Variants in TIMP2 observed in about 807,000 individuals in gnomAD.
TIMP2 encodes the protein metalloproteinase inhibitor 2.
Under a neutral mutation model 24.3 loss-of-function variants are expected in TIMP2, and 5 were observed. That is an observed-to-expected ratio of 0.21 (90% CI 0.11 to 0.43). The LOEUF (loss-of-function observed/expected upper bound fraction) is 0.43. Among genes scored for constraint, TIMP2 ranks in the 20% least tolerant of loss-of-function variants. The pLI is 1.00. For missense variants in TIMP2, 221 were observed against 297.5 expected, an observed-to-expected ratio of 0.74 and a Z score of 1.89; for synonymous variants, 130 against 123.2, an observed-to-expected ratio of 1.06 and a Z score of -0.37.
intron 1 of TIMP2, chr17:78,904,490 TG>T (rs2070139228): frequency 6.6e-6 from 1 of 152,084 alleles, no homozygotes; most frequent in Non-Finnish European, 1.5e-5. Context: ...CCCTTTGTCC[TG>T]GGCTGGAAGG....
At chr17:78,903,531 A>T (rs1214133922) in intron 1 of TIMP2, among the ~76,000 whole-genome samples, 1 of 152,192 alleles carries the variant, frequency 6.6e-6, no homozygotes, top group African/African-American at 2.4e-5. Flanking sequence ...CTTCAAGGTC[A>T]GGGTTCCTGA....
chr17:78,855,958 G>A lies in TIMP2; in HGVS notation c.466-94C>T. On this transcript the variant is annotated intron_variant, in intron 4 of 4. Transcript: ENST00000262768. This position sits in a 1 kb window ranked among gnomAD's most constrained non-coding sequence, Gnocchi z 6.0. ...GGGCATGTCCAGAACCCGGCAATGT[G>A]CCTACCTGTCATGTGCAGGGATGGC... 2 of 1,293,606 alleles carry A rather than the reference G, an allele frequency of 1.5e-6. No homozygotes were observed. The highest frequency in any genetic ancestry group is 2.2e-6 in the Non-Finnish European group (2 of 904,308). 80.1% of individuals were successfully genotyped at this position (1,293,606 alleles called of 1,614,324 possible).
At chr17:78,880,926 C>T (rs2069774030) in intron 1 of TIMP2, among the ~76,000 whole-genome samples, 2 of 152,230 alleles carry the variant, frequency 1.3e-5, no homozygotes, top group South Asian at 4.1e-4. Flanking sequence ...CTAGACCACT[C>T]ACAGCCTCTC....
intron 1 of TIMP2, among the ~76,000 whole-genome samples, chr17:78,895,589 G>C (rs2069986904): frequency 1.3e-5 from 2 of 152,202 alleles, no homozygotes; most frequent in African/African-American, 2.4e-5. Flanking sequence ...CTTAAAAAGG[G>C]AAACACAGAC....
chr17:78,880,939 C>T (rs898093560), intron 1 of TIMP2, among the ~76,000 whole-genome samples: 5 of 152,214 alleles, frequency 3.3e-5, no homozygotes, highest in Admixed American at 2.6e-4. Context: ...AGCCTCTCCC[C>T]GGGGCACTCC....
rs1028140262 is a variant in TIMP2, at chr17:78,891,190, C to T, written c.131-17271G>A. On this transcript the variant is annotated intron_variant, in intron 1 of 4. Coordinates refer to ENST00000262768, the MANE Select transcript of TIMP2 (RefSeq NM_003255.5). The surrounding 1 kb of genome is among the most constrained non-coding windows in gnomAD (Gnocchi z 4.5). ...TTCCATTTCTAAACGTGGGCTTGAC[C>T]GTGCCCTGATATTTTTGGTTCTGGG... 2.6e-5 allele frequency: 40 copies of T among 1,550,538 alleles called. No individual in the cohort carries two copies. The highest frequency in any genetic ancestry group is 9.6e-5 in the African/African-American group (7 of 73,038).
intron 1 of TIMP2, among the ~76,000 whole-genome samples, chr17:78,918,235 A>G (rs2070280486): frequency 6.6e-6 from 1 of 152,122 alleles, no homozygotes. Context: ...TAGCGTAAAC[A>G]CACTCTCAAC....
intron 1 of TIMP2, among the ~76,000 whole-genome samples, chr17:78,890,131 C>T (rs1268690236): frequency 1.3e-5 from 2 of 150,526 alleles, no homozygotes; most frequent in African/African-American, 5.0e-5. Context: ...ATCAATCAAT[C>T]AATAAAGGCA....
intron 1 of TIMP2, among the ~76,000 whole-genome samples, chr17:78,893,364 G>T (rs36176351): frequency 0.25 from 30,580 of 122,476 alleles, 6,964 homozygotes; most frequent in African/African-American, 0.62. Context: ...TGTGTGCAGG[G>T]GTGTGTAGGA....
Position 78,896,735 on chromosome 17 carries a change from G to A in TIMP2, c.131-22816C>T, listed in dbSNP as rs146240775. Reference sequence around the variant, plus strand: ...GCGCTCGGAGCAGCAGAAGGAAGGCGAGTGGACACCAATCTGGCCTCCGGA... The same window carrying A: ...GCGCTCGGAGCAGCAGAAGGAAGGCAAGTGGACACCAATCTGGCCTCCGGA... On this transcript the variant is annotated intron_variant, in intron 1 of 4. Transcript: ENST00000262768. The surrounding 1 kb of genome is among the most constrained non-coding windows in gnomAD (Gnocchi z 4.4). Among the ~76,000 whole-genome samples, 1,175 of 152,240 alleles carry A rather than the reference G, an allele frequency of 7.7e-3. 14 individuals are homozygous for A. The highest frequency in any genetic ancestry group is 0.027 in the African/African-American group (1,129 of 41,530).
At chr17:78,863,110 G>A in intron 3 of TIMP2, among the ~76,000 whole-genome samples, 1 of 152,344 alleles carries the variant, frequency 6.6e-6, no homozygotes, top group African/African-American at 2.4e-5. Context: ...TGCTTTCTCA[G>A]TTCTTTGAGA....
rs2070338084 is a variant in TIMP2 at position 78,924,947 on chromosome 17, G to A, written c.130+12C>T. 3 of 1,256,180 alleles carry A rather than the reference G, an allele frequency of 2.4e-6. No homozygotes were observed. Among genetic ancestry groups the A allele is most frequent in the South Asian group, 2.6e-5 (1 of 38,858 alleles). The allele number at this position is 1,256,180 out of a possible 1,614,324, so 77.8% of individuals were successfully genotyped here. On this transcript the variant is annotated intron_variant, in intron 1 of 4. Transcript: ENST00000262768. This position sits in a 1 kb window ranked among gnomAD's most constrained non-coding sequence, Gnocchi z 5.3. ...GGGGCCCCGCGCGGGGGCTGGGGTCGCCGCTCCTTACCTACATCTGCATTG... is the reference window on the plus strand; with the variant it reads ...GGGGCCCCGCGCGGGGGCTGGGGTCACCGCTCCTTACCTACATCTGCATTG...
chr17:78,854,215 G>A lies in TIMP2; in HGVS notation c.*1452C>T, dbSNP rs1017422309. ...CATTGCGTGTGTATGTTTACATAAT[G>A]TGCCTGTATATCGTCAGTTTATCTT... On this transcript the variant is annotated 3_prime_UTR_variant, in exon 5 of 5. Transcript: ENST00000262768. 6.6e-6 allele frequency: 1 copy of A among 152,060 alleles called. No homozygotes were observed. Among genetic ancestry groups the A allele is most frequent in the African/African-American group, 2.4e-5 (1 of 41,392 alleles). 9.4% of individuals were successfully genotyped at this position (152,060 alleles called of 1,614,324 possible).
chr17:78,875,083 G>A (rs1038097046), intron 1 of TIMP2, among the ~76,000 whole-genome samples: 1 of 152,098 alleles, frequency 6.6e-6, no homozygotes, highest in African/African-American at 2.4e-5. Context: ...TCATCATGTT[G>A]GCCAGGCTGT....
intron 1 of TIMP2, among the ~76,000 whole-genome samples, chr17:78,876,346 G>GTTTC (rs559951942): frequency 6.6e-6 from 1 of 151,970 alleles, no homozygotes; most frequent in Non-Finnish European, 1.5e-5. Context: ...GAACAGACAA[G>GTTTC]TTTCTTTCTT....
intron 1 of TIMP2, among the ~76,000 whole-genome samples, chr17:78,917,230 C>T (rs998817973): frequency 1.2e-4 from 15 of 127,716 alleles, no homozygotes; most frequent in South Asian, 7.2e-4. Flanking sequence ...CCAGCCTGGG[C>T]GACAGAGCGA....
Position 78,896,903 on chromosome 17 carries a change from G to T in TIMP2, c.131-22984C>A. 2.0e-6 allele frequency: 2 copies of T among 984,788 alleles called. No homozygotes were observed. Among genetic ancestry groups the T allele is most frequent in the Non-Finnish European group, 2.4e-6 (2 of 829,378 alleles). The allele number at this position is 984,788 out of a possible 1,614,324, so 61.0% of individuals were successfully genotyped here. On this transcript the variant is annotated intron_variant, in intron 1 of 4. Coordinates refer to ENST00000262768, the MANE Select transcript of TIMP2 (RefSeq NM_003255.5). The surrounding 1 kb of genome is among the most constrained non-coding windows in gnomAD (Gnocchi z 4.4). ...ATCCGATCCCAGCACCTGGGCCCAGGAATGTGCTTGGCCACCAGATTCCCA... is the reference window on the plus strand; with the variant it reads ...ATCCGATCCCAGCACCTGGGCCCAGTAATGTGCTTGGCCACCAGATTCCCA...
intron 3 of TIMP2, among the ~76,000 whole-genome samples, chr17:78,866,277 T>G (rs944253952): frequency 6.6e-6 from 1 of 152,200 alleles, no homozygotes; most frequent in Admixed American, 6.5e-5. Flanking sequence ...CCGTGCGTGC[T>G]GTGCGGCCAC....
chr17:78,871,443 C>T (rs2069682966), intron 2 of TIMP2, among the ~76,000 whole-genome samples: 1 of 103,332 alleles, frequency 9.7e-6, no homozygotes, highest in Non-Finnish European at 1.9e-5. Flanking sequence ...CAGAGTAAGA[C>T]TCCGTCAAAA....
Sources: allele counts gnomAD v4.1 joint callset (sites outside exome capture counted in the v4.1 genomes callset), GRCh38; gene constraint gnomAD v4.1.1; non-coding constraint Gnocchi (gnomAD v3.1); transcripts MANE v1.5; gene names NCBI Gene and HGNC (gene_info 2026-07-23, HGNC 2026-07-21).